Variants in CLASP1 observed in about 807,000 individuals in gnomAD.
The protein encoded by CLASP1 is cytoplasmic linker associated protein 1.
A neutral mutation model predicts 192.3 loss-of-function variants in CLASP1; 38 were observed. The observed-to-expected ratio is 0.20, with a 90% confidence interval of 0.15 to 0.26. The LOEUF is 0.26. Among genes scored for constraint, CLASP1 ranks in the 10% least tolerant of loss-of-function variants. The pLI is 1.00. For missense variants in CLASP1, 1,433 were observed against 1,932.5 expected (o/e 0.74, Z 4.85); for synonymous variants, 691 against 712.8 (o/e 0.97, Z 0.49).
intron 2 of CLASP1, among the ~76,000 whole-genome samples, chr2:121,582,376 AGAAAGAT>A (rs2061289104): frequency 2.7e-5 from 4 of 149,950 alleles, no homozygotes; most frequent in African/African-American, 9.9e-5. Flanking sequence ...AGACAAAGAC[AGAAAGAT>A]GGATGGATGG....
At chr2:121,479,289 TA>T (rs2092394351) in intron 8 of CLASP1, among the ~76,000 whole-genome samples, 1 of 151,394 alleles carries the variant, frequency 6.6e-6, no homozygotes. Flanking sequence ...TAGAAAACAC[TA>T]AAGAATGCAT....
At chr2:121,361,433 C>T (rs1214481082) in intron 37 of CLASP1, among the ~76,000 whole-genome samples, 4 of 152,186 alleles carry the variant, frequency 2.6e-5, no homozygotes, top group Non-Finnish European at 4.4e-5. Context: ...ATGCCATTTG[C>T]CCCTTAACGG....
chr2:121,427,774 G>A (rs894663063), intron 20 of CLASP1, among the ~76,000 whole-genome samples: 3 of 152,248 alleles, frequency 2.0e-5, no homozygotes, highest in East Asian at 1.9e-4. Context: ...CATAGTAAGT[G>A]CTCAATAAAC....
chr2:121,404,279 T>C, intron 26 of CLASP1, 92 bp downstream of exon 27: 4 of 1,547,694 alleles, frequency 2.6e-6, no homozygotes, highest in East Asian at 2.4e-5. Flanking sequence ...AACTGCACTA[T>C]CGGGAATTCT....
rs974120880 is a variant in CLASP1, at chr2:121,556,187, T to C, written c.196-25862A>G. ...TTTGTATAAAGATAGGGTTTTGCCA[T>C]GTTGGCCAGGCTGGTCTCACATTCC... On this transcript the variant is annotated intron_variant, in intron 2 of 39. Transcript: ENST00000263710. 5.3e-5 allele frequency among the ~76,000 whole-genome samples: 8 copies of C among 152,082 alleles called. No homozygotes were observed. The South Asian group carries it at 1.2e-3, about 24-fold the overall frequency.
In CLASP1 at chr2:121,556,184, C is replaced by A. The variant is rs547523082; in HGVS notation, c.196-25859G>T. Among the ~76,000 whole-genome samples, 14 of 151,902 alleles carry A rather than the reference C, an allele frequency of 9.2e-5. No individual in the cohort carries two copies. The South Asian group carries it at 2.9e-3, about 32-fold the overall frequency. ...TTTTTTGTATAAAGATAGGGTTTTGCCATGTTGGCCAGGCTGGTCTCACAT... is the reference window on the plus strand; with the variant it reads ...TTTTTTGTATAAAGATAGGGTTTTGACATGTTGGCCAGGCTGGTCTCACAT... On this transcript the variant is annotated intron_variant, in intron 2 of 39. Transcript: ENST00000263710.
At chr2:121,545,992 T>C (rs1212297734) in intron 2 of CLASP1, among the ~76,000 whole-genome samples, 1 of 152,178 alleles carries the variant, frequency 6.6e-6, no homozygotes, top group Non-Finnish European at 1.5e-5. Flanking sequence ...AACAGAAAGA[T>C]TCTTAGAAGT....
chr2:121,552,775 A>T (rs1305729912), intron 2 of CLASP1, among the ~76,000 whole-genome samples: 1 of 152,268 alleles, frequency 6.6e-6, no homozygotes, highest in Non-Finnish European at 1.5e-5. Flanking sequence ...TGTGGAGAGC[A>T]GTCTGGCAAT....
At chr2:121,530,226 T>G in intron 3 of CLASP1, 21 bp downstream of exon 3, 1 of 1,543,488 alleles carries the variant, frequency 6.5e-7, no homozygotes, top group South Asian at 1.2e-5. Flanking sequence ...CCGGGTCCGC[T>G]CCACAAGTGC....
chr2:121,377,070 C>G (rs2070423335), intron 34 of CLASP1, among the ~76,000 whole-genome samples: 1 of 152,190 alleles, frequency 6.6e-6, no homozygotes. Flanking sequence ...ATCCTCCCAC[C>G]AACTGGCCTG....
At chr2:121,457,226 G>A (rs957317637) in intron 14 of CLASP1, among the ~76,000 whole-genome samples, 17 of 152,118 alleles carry the variant, frequency 1.1e-4, no homozygotes, top group Admixed American at 9.8e-4. Flanking sequence ...CCCAGAAATC[G>A]CTAACAGAAG....
At chr2:121,438,501 A>G (rs1425807494) in intron 19 of CLASP1, among the ~76,000 whole-genome samples, 2 of 152,096 alleles carry the variant, frequency 1.3e-5, no homozygotes, top group African/African-American at 4.8e-5. Flanking sequence ...CTCAATCTTC[A>G]CCTTGGGTCA....
intron 2 of CLASP1, among the ~76,000 whole-genome samples, chr2:121,556,622 T>C (rs1227329891): frequency 6.6e-6 from 1 of 152,214 alleles, no homozygotes; most frequent in African/African-American, 2.4e-5. Flanking sequence ...AACATGCTTA[T>C]TGGCTCCTTC....
At chr2:121,352,528 C>T (rs1023161925) in intron 37 of CLASP1, among the ~76,000 whole-genome samples, 4 of 152,178 alleles carry the variant, frequency 2.6e-5, no homozygotes, top group Non-Finnish European at 5.9e-5. Context: ...AGGCAGCCTC[C>T]AGAGTTAGAT....
rs149577444 is a variant in CLASP1 at position 121,403,991 on chromosome 2, T to C, written c.2733+380A>G. 2.1e-3 allele frequency among the ~76,000 whole-genome samples: 317 copies of C among 152,314 alleles called. 1 individual carries two copies. Among genetic ancestry groups the C allele is most frequent in the African/African-American group, 7.3e-3 (304 of 41,568 alleles). On this transcript the variant is annotated intron_variant, in intron 26 of 39. Coordinates refer to ENST00000263710, the Ensembl canonical transcript of CLASP1. ...ATTCTACACGGGATACAAAAATAAT[T>C]ATATACTTATTTTCTTCACTACTAT... is the stretch of plus-strand genomic sequence containing the variant.
intron 1 of CLASP1, among the ~76,000 whole-genome samples, chr2:121,648,693 C>G (rs1301395310): frequency 6.6e-6 from 1 of 152,210 alleles, no homozygotes; most frequent in East Asian, 1.9e-4. Flanking sequence ...TCTGCCAATA[C>G]CAAAGAACAA....
intron 39 of CLASP1, among the ~76,000 whole-genome samples, chr2:121,343,555 A>T (rs2063052314): frequency 6.6e-6 from 1 of 152,372 alleles, no homozygotes; most frequent in East Asian, 1.9e-4. Context: ...TAAGTGAAAT[A>T]AGCCAGCCAC....
chr2:121,545,414 C>T (rs1286551518), intron 2 of CLASP1, among the ~76,000 whole-genome samples: 1 of 151,764 alleles, frequency 6.6e-6, no homozygotes, highest in African/African-American at 2.4e-5. Flanking sequence ...GAATCATGAT[C>T]CAAAAAAATC....
At position 121,373,642 on chromosome 2, in the gene CLASP1, A is replaced by G. The variant is rs368374521; in HGVS notation, c.3642+3857T>C. Among the ~76,000 whole-genome samples the G allele has an allele frequency of 1.2e-4, 19 of 152,348 alleles. No homozygotes were observed. The South Asian group carries it at 3.9e-3, about 32-fold the overall frequency. On this transcript the variant is annotated intron_variant, in intron 34 of 39. Coordinates refer to ENST00000263710, the Ensembl canonical transcript of CLASP1. ...GAAGTCCAGGATGAGGTGGTCTCAG[A>G]TGAAGATAACGAACTGGAGTAAAGG...
Sources: gnomAD v4.1 joint callset for allele counts (sites outside exome capture counted in the v4.1 genomes callset) on GRCh38, gnomAD v4.1.1 for gene constraint, MANE v1.5 for transcripts, NCBI Gene and HGNC (gene_info 2026-07-23, HGNC 2026-07-21) for gene names.